IER3IP1: variants seen among roughly 807,000 people sequenced by gnomAD.
IER3IP1 encodes the protein immediate early response 3-interacting protein 1.
IER3IP1 carries 16 observed loss-of-function variants against 12.2 expected under a neutral mutation model. The ratio of observed to expected loss-of-function variants is 1.31; its 90% CI spans 0.89 to 1.99. IER3IP1 has a LOEUF of 1.99. Ranked by LOEUF, IER3IP1 falls within the 30% of genes most tolerant of loss-of-function variation. The probability of loss-of-function intolerance (pLI) is 0.00; values close to 1 mark genes in which losing one functional copy is unlikely to be tolerated. For synonymous variants in IER3IP1, 42 were observed against 40.0 expected, an observed-to-expected ratio of 1.05 and a Z score of -0.19; for missense variants, 95 against 95.8, an observed-to-expected ratio of 0.99 and a Z score of 0.03.
chr18:47,167,840 C>A (rs990807320), intron 1 of IER3IP1, among the ~76,000 whole-genome samples: 9 of 151,918 alleles, frequency 5.9e-5, no homozygotes, highest in African/African-American at 1.9e-4. Flanking sequence ...AAAACATATC[C>A]CAGTTGTGCG....
rs1440615824 is a variant in IER3IP1, at chr18:47,158,436, A to G, written c.92-899T>C. Among the ~76,000 whole-genome samples the G allele has an allele frequency of 4.6e-5, 7 of 151,966 alleles. No individual in the cohort carries two copies. In the South Asian group the frequency reaches 1.5e-3, roughly 32 times the overall value. ...GCTTACTACAGCCTCAACCTCCCCA[A>G]GTTCAGGTGATCCTCCCACCTCGGC... is the stretch of plus-strand genomic sequence containing the variant. On this transcript the variant is annotated intron_variant, in intron 1 of 2. Transcript: ENST00000256433.
intron 1 of IER3IP1, among the ~76,000 whole-genome samples, chr18:47,159,985 C>T (rs537050351): frequency 1.2e-4 from 18 of 152,152 alleles, no homozygotes; most frequent in South Asian, 2.1e-4. Context: ...CACCTGAGGT[C>T]GGGAGTTCGA....
intron 1 of IER3IP1, among the ~76,000 whole-genome samples, chr18:47,163,718 GC>G (rs1162958266): frequency 6.6e-6 from 1 of 152,096 alleles, no homozygotes; most frequent in Non-Finnish European, 1.5e-5. Context: ...AAACTGATGA[GC>G]TTTTTGACTT....
At chr18:47,161,575 T>C (rs943249383) in intron 1 of IER3IP1, among the ~76,000 whole-genome samples, 2 of 152,162 alleles carry the variant, frequency 1.3e-5, no homozygotes, top group African/African-American at 4.8e-5. Context: ...ACTCCTTAAA[T>C]TGACATTCTA....
intron 1 of IER3IP1, among the ~76,000 whole-genome samples, chr18:47,171,284 G>A (rs1368877563): frequency 1.3e-5 from 2 of 152,098 alleles, no homozygotes; most frequent in African/African-American, 4.8e-5. Context: ...CCAGTATTTC[G>A]TTGAGAATTT....
intron 1 of IER3IP1, among the ~76,000 whole-genome samples, chr18:47,169,645 G>A (rs1319205498): frequency 6.6e-6 from 1 of 151,538 alleles, no homozygotes; most frequent in Non-Finnish European, 1.5e-5. Flanking sequence ...TAGCCATCCT[G>A]GTTGGTGTGA....
intron 1 of IER3IP1, among the ~76,000 whole-genome samples, chr18:47,164,652 T>C (rs1409383600): frequency 6.6e-6 from 1 of 151,902 alleles, no homozygotes; most frequent in African/African-American, 2.4e-5. Context: ...TGTGGTGTTA[T>C]GCTCCTGTAG....
intron 1 of IER3IP1, among the ~76,000 whole-genome samples, chr18:47,158,331 T>C (rs2063968111): frequency 6.6e-6 from 1 of 151,252 alleles, no homozygotes; most frequent in African/African-American, 2.4e-5. Context: ...TATTTCTTTC[T>C]TTTTTTTTAA....
In IER3IP1 at chr18:47,176,247, C is replaced by T. The variant is rs746950215; in HGVS notation, c.31G>A (p.Ala11Thr). Residue 11 changes from alanine to threonine, a missense_variant, in exon 1 of 3, where the codon GCA (alanine) becomes ACA (threonine). Ala to Thr is a moderately conservative substitution (Grantham distance 58). Coordinates refer to ENST00000256433, the MANE Select transcript of IER3IP1 (RefSeq NM_016097.5). Reference protein sequence around the residue: MAFTLYSLLQAALLCVNAIAV... With the variant: MAFTLYSLLQTALLCVNAIAV... ...ATGGCGTTGACGCAGAGCAGGGCTG[C>T]CTGCAGCAGTGAGTACAGGGTAAAG... 3.7e-6 allele frequency: 6 copies of T among 1,609,366 alleles called. No individual in the cohort carries two copies. Among genetic ancestry groups the T allele is most frequent in the East Asian group, 2.2e-5 (1 of 44,752 alleles).
intron 2 of IER3IP1, among the ~76,000 whole-genome samples, chr18:47,156,434 C>T (rs963415662): frequency 2.0e-5 from 3 of 151,592 alleles, no homozygotes; most frequent in African/African-American, 7.3e-5. Flanking sequence ...ACTTGTATAA[C>T]TGGGAGTAAG....
chr18:47,168,322 A>AAAAAAAC, intron 1 of IER3IP1, among the ~76,000 whole-genome samples: 2 of 146,536 alleles, frequency 1.4e-5, no homozygotes, highest in Admixed American at 6.8e-5. Flanking sequence ...AAAAAAAGAC[A>AAAAAAAC]AAAAAAATCC....
chr18:47,156,811 G>C (rs1213787008), intron 2 of IER3IP1: 1 of 24,390 alleles, frequency 4.1e-5, no homozygotes, highest in African/African-American at 1.6e-4. Context: ...TTTTTTTTTT[G>C]AGACAGAGTT....
intron 1 of IER3IP1, among the ~76,000 whole-genome samples, chr18:47,174,235 ACT>A (rs1019956812): frequency 6.6e-6 from 1 of 151,864 alleles, no homozygotes; most frequent in African/African-American, 2.4e-5. Flanking sequence ...AAAGCCACCT[ACT>A]CTCTTTGTGA....
chr18:47,168,340 T>A (rs2064003952), intron 1 of IER3IP1, among the ~76,000 whole-genome samples: 1 of 150,690 alleles, frequency 6.6e-6, no homozygotes, highest in South Asian at 2.1e-4. Flanking sequence ...TCCCTTAAGT[T>A]TCACCTAAGG....
intron 1 of IER3IP1, among the ~76,000 whole-genome samples, chr18:47,170,352 T>C (rs1003325359): frequency 2.6e-5 from 4 of 152,138 alleles, no homozygotes; most frequent in Non-Finnish European, 5.9e-5. Context: ...CCTCCAATTT[T>C]GTTCTTCTCT....
At position 47,176,316 on chromosome 18, in the gene IER3IP1, T is replaced by C. The variant is rs772410456; in HGVS notation, c.-39A>G. ...CGCCCCGAAGTCCAAGCGATTTCTC[T>C]CCCGCCGCCGCAAGGGACGTGGCGC... On this transcript the variant is annotated 5_prime_UTR_variant, in exon 1 of 3. Transcript: ENST00000256433. 6.5e-7 allele frequency: 1 copy of C among 1,541,804 alleles called. No homozygotes were observed. Among genetic ancestry groups the C allele is most frequent in the South Asian group, 1.2e-5 (1 of 85,644 alleles).
At chr18:47,161,397 A>G (rs2063979560) in intron 1 of IER3IP1, among the ~76,000 whole-genome samples, 1 of 152,206 alleles carries the variant, frequency 6.6e-6, no homozygotes. Context: ...TTGAATTCCC[A>G]TAGTACAACT....
chr18:47,174,344 C>G (rs1191914610), intron 1 of IER3IP1, among the ~76,000 whole-genome samples: 1 of 152,194 alleles, frequency 6.6e-6, no homozygotes. Context: ...AGATCCTGTA[C>G]GTAAGTGCTA....
chr18:47,162,093 ACCT>A (rs2063981640), intron 1 of IER3IP1, among the ~76,000 whole-genome samples: 1 of 151,988 alleles, frequency 6.6e-6, no homozygotes, highest in Admixed American at 6.6e-5. Flanking sequence ...TCTGCCACTC[ACCT>A]CCTGCTGGGT....
Sources: allele counts gnomAD v4.1 joint callset (sites outside exome capture counted in the v4.1 genomes callset), GRCh38; gene constraint gnomAD v4.1.1; transcripts MANE v1.5; gene names NCBI Gene and HGNC (gene_info 2026-07-23, HGNC 2026-07-21).